BFSP2: variants seen among roughly 807,000 people sequenced by gnomAD.
The protein encoded by BFSP2 is beaded filament structural protein 2.
BFSP2 carries 38 observed loss-of-function variants against 44.9 expected under a neutral mutation model. That is an observed-to-expected ratio of 0.85 (90% CI 0.65 to 1.11). The LOEUF (loss-of-function observed/expected upper bound fraction) is 1.11. BFSP2 is among the 50% of genes least tolerant of loss of function. The pLI is 0.00. For synonymous variants in BFSP2, 197 were observed against 209.9 expected, an observed-to-expected ratio of 0.94 and a Z score of 0.53; for missense variants, 525 against 533.0, an observed-to-expected ratio of 0.99 and a Z score of 0.15.
intron 4 of BFSP2, among the ~76,000 whole-genome samples, chr3:133,465,697 G>A (rs1050192467): frequency 6.6e-6 from 1 of 152,150 alleles, no homozygotes; most frequent in African/African-American, 2.4e-5. Flanking sequence ...AGATCAAGTT[G>A]GATAACTCCT....
At chr3:133,410,996 A>G (rs1467926652) in intron 1 of BFSP2, among the ~76,000 whole-genome samples, 1 of 152,264 alleles carries the variant, frequency 6.6e-6, no homozygotes, top group Non-Finnish European at 1.5e-5. Context: ...GCCACTTCCA[A>G]GTGAATCCAT....
intron 1 of BFSP2, among the ~76,000 whole-genome samples, chr3:133,402,639 A>C (rs927478417): frequency 1.4e-5 from 2 of 147,966 alleles, no homozygotes; most frequent in African/African-American, 2.5e-5. Flanking sequence ...TGGAGTTATT[A>C]TTTCTTTTTT....
chr3:133,472,503 C>G lies in BFSP2; in HGVS notation c.1182C>G (p.Arg394=), dbSNP rs9823754. ...QQQERAHLLA[R]KCQLQKDVAS... is the part of the protein sequence containing the mutation. ...AGGAGCGCGCGCATCTGCTGGCCCGCAAGTGCCAGCTGCAGAAGGACGTGG... is the reference window on the plus strand; with the variant it reads ...AGGAGCGCGCGCATCTGCTGGCCCGGAAGTGCCAGCTGCAGAAGGACGTGG... Residue 394 remains arginine (R), a synonymous_variant, in exon 6 of 7, where the codon CGC becomes CGG. Transcript: ENST00000302334. 148 of 1,613,272 alleles carry G rather than the reference C, an allele frequency of 9.2e-5. No homozygotes were observed. Among genetic ancestry groups the G allele is most frequent in the Non-Finnish European group, 1.2e-4 (141 of 1,180,012 alleles).
chr3:133,457,061 T>C (rs1393804976), intron 4 of BFSP2, among the ~76,000 whole-genome samples: 1 of 152,268 alleles, frequency 6.6e-6, no homozygotes, highest in Non-Finnish European at 1.5e-5. Flanking sequence ...ACTGCCACTC[T>C]GACTCTAGAC....
At chr3:133,446,577 T>C (rs1398858144) in intron 1 of BFSP2, among the ~76,000 whole-genome samples, 2 of 7,732 alleles carry the variant, frequency 2.6e-4, no homozygotes, top group Non-Finnish European at 6.6e-4. Flanking sequence ...CATTTATATA[T>C]ATATATATAT....
chr3:133,430,755 G>C (rs1054550374), intron 1 of BFSP2, among the ~76,000 whole-genome samples: 1 of 151,836 alleles, frequency 6.6e-6, no homozygotes, highest in African/African-American at 2.4e-5. Context: ...AACCCCAAGC[G>C]TCGCTGAGTC....
At chr3:133,430,900 G>A (rs1401907294) in intron 1 of BFSP2, among the ~76,000 whole-genome samples, 4 of 152,010 alleles carry the variant, frequency 2.6e-5, no homozygotes, top group African/African-American at 9.7e-5. Context: ...CCTCACACCT[G>A]GTCCGGCTTA....
intron 1 of BFSP2, among the ~76,000 whole-genome samples, chr3:133,408,310 T>C (rs968823075): frequency 3.9e-5 from 6 of 152,198 alleles, no homozygotes; most frequent in Non-Finnish European, 1.5e-5. Flanking sequence ...CTACCTGAGA[T>C]ACCACTTTTA....
chr3:133,437,716 T>C (rs2073804019), intron 1 of BFSP2, among the ~76,000 whole-genome samples: 1 of 152,096 alleles, frequency 6.6e-6, no homozygotes, highest in South Asian at 2.1e-4. Context: ...ATTAGAACCA[T>C]GATTCAAACA....
At chr3:133,431,021 A>T (rs1490876366) in intron 1 of BFSP2, among the ~76,000 whole-genome samples, 1 of 151,906 alleles carries the variant, frequency 6.6e-6, no homozygotes, top group Non-Finnish European at 1.5e-5. Flanking sequence ...CTTTACCCCA[A>T]ATCAGATAGC....
At chr3:133,434,606 G>A (rs2073762561) in intron 1 of BFSP2, among the ~76,000 whole-genome samples, 1 of 152,186 alleles carries the variant, frequency 6.6e-6, no homozygotes, top group Non-Finnish European at 1.5e-5. Flanking sequence ...ATGGCCTGAA[G>A]TAACTGAAGA....
chr3:133,410,257 T>C (rs1576557836), intron 1 of BFSP2: 1 of 347,392 alleles, frequency 2.9e-6, no homozygotes, highest in African/African-American at 2.2e-5. Flanking sequence ...AGCATTTCTG[T>C]CCCAGAAACA....
At chr3:133,417,207 GCCTCTCCCCTCTACTTACCCGTGT>G (rs1162386204) in intron 1 of BFSP2, among the ~76,000 whole-genome samples, 6 of 59,194 alleles carry the variant, frequency 1.0e-4, no homozygotes, top group East Asian at 5.6e-4. Flanking sequence ...TAGTCACCCC[GCCTCTCCCCTCTACTTACCCGTGT>G]CCTCTCCCCT....
intron 4 of BFSP2, among the ~76,000 whole-genome samples, chr3:133,464,475 C>G (rs1164038651): frequency 6.6e-6 from 1 of 152,176 alleles, no homozygotes; most frequent in Non-Finnish European, 1.5e-5. Flanking sequence ...TAACAATGTG[C>G]TTGGCACAGA....
intron 1 of BFSP2, among the ~76,000 whole-genome samples, chr3:133,401,328 C>G (rs1263831711): frequency 1.3e-5 from 2 of 152,242 alleles, no homozygotes; most frequent in Non-Finnish European, 2.9e-5. Flanking sequence ...AATCTGGCAG[C>G]CACTAGCCAT....
intron 1 of BFSP2, among the ~76,000 whole-genome samples, chr3:133,425,803 G>A (rs1307410602): frequency 2.2e-4 from 21 of 95,604 alleles, no homozygotes; most frequent in African/African-American, 7.7e-4. Context: ...GGGAAGGGAA[G>A]AAGGGAAGGG....
At position 133,466,812 on chromosome 3, in the gene BFSP2, A is replaced by G; in HGVS notation, c.892-16A>G. ...TCTGATCATCACCGCTCACACTGAG[A>G]CCTGACTCTCCACAGCAACAGGCGG... On this transcript the variant is annotated splice_polypyrimidine_tract_variant and intron_variant, in intron 4 of 6. Transcript: ENST00000302334. The G allele has an allele frequency of 6.2e-7, 1 of 1,612,292 alleles. No homozygotes were observed. Among genetic ancestry groups the G allele is most frequent in the Admixed American group, 1.7e-5 (1 of 59,960 alleles).
intron 1 of BFSP2, among the ~76,000 whole-genome samples, chr3:133,438,955 T>A (rs912679088): frequency 6.6e-6 from 1 of 152,234 alleles, no homozygotes; most frequent in African/African-American, 2.4e-5. Context: ...ACAAGCACAG[T>A]CTGTGAGGTC....
At position 133,465,887 on chromosome 3, in the gene BFSP2, T is replaced by C. The variant is rs73861104; in HGVS notation, c.892-941T>C. Among the ~76,000 whole-genome samples the C allele has an allele frequency of 6.6e-3, 1,000 of 152,302 alleles. 12 individuals carry two copies. Among genetic ancestry groups the C allele is most frequent in the African/African-American group, 0.023 (961 of 41,544 alleles). On this transcript the variant is annotated intron_variant, in intron 4 of 6. Transcript: ENST00000302334. Reference sequence around the variant, plus strand: ...ATGCTCTTGTATGAAAAATAAGGGATCAAAGCTTTTTCTTTGCACCATTGT... The same window carrying C: ...ATGCTCTTGTATGAAAAATAAGGGACCAAAGCTTTTTCTTTGCACCATTGT...
Sources: gnomAD v4.1 joint callset for allele counts (sites outside exome capture counted in the v4.1 genomes callset) on GRCh38, gnomAD v4.1.1 for gene constraint, MANE v1.5 for transcripts, NCBI Gene and HGNC (gene_info 2026-07-23, HGNC 2026-07-21) for gene names.